The following TSPAN18 variants were observed in gnomAD, a reference collection of about 807,000 sequenced individuals.
The protein encoded by TSPAN18 is tetraspanin-18.
TSPAN18 carries 14 observed loss-of-function variants against 27.3 expected under a neutral mutation model. The ratio of observed to expected loss-of-function variants is 0.51; its 90% confidence interval spans 0.34 to 0.80. The LOEUF (loss-of-function observed/expected upper bound fraction) is 0.80. Ranked by LOEUF, TSPAN18 falls within the 30% of genes least tolerant of loss-of-function variation. The pLI is 0.01. For synonymous variants in TSPAN18, 143 were observed against 136.5 expected, an observed-to-expected ratio of 1.05 and a Z score of -0.33; for missense variants, 268 against 323.9, an observed-to-expected ratio of 0.83 and a Z score of 1.32.
intron 2 of TSPAN18, among the ~76,000 whole-genome samples, chr11:44,804,623 G>C (rs1176199798): frequency 6.6e-6 from 1 of 152,196 alleles, no homozygotes; most frequent in Non-Finnish European, 1.5e-5. Flanking sequence ...TTGGGGACTG[G>C]CGAGCAGCGA....
chr11:44,861,804 CA>C (rs1387863839), intron 3 of TSPAN18, among the ~76,000 whole-genome samples: 5 of 148,536 alleles, frequency 3.4e-5, no homozygotes, highest in Admixed American at 2.7e-4. Flanking sequence ...CACACACACA[CA>C]CACACACACA....
chr11:44,927,075 C>T (rs1357480564), intron 9 of TSPAN18, among the ~76,000 whole-genome samples: 6 of 152,234 alleles, frequency 3.9e-5, no homozygotes, highest in African/African-American at 1.4e-4. Context: ...AGATTTCACG[C>T]TTGCAGAGGC....
At chr11:44,842,983 A>T (rs147351852) in intron 2 of TSPAN18, among the ~76,000 whole-genome samples, 1 of 151,314 alleles carries the variant, frequency 6.6e-6, no homozygotes, top group African/African-American at 2.4e-5. Flanking sequence ...ACCTTCAAGC[A>T]ATTGTGCCTA....
rs1422489974 is a variant in TSPAN18 at position 44,909,884 on chromosome 11, G to A, written c.243G>A (p.Lys81=). The stretch of plus-strand genomic sequence containing the variant: ...GCTGCGGGGCCGTCCGTGAGAACAA[G>A]TGTCTGCTGCTATTTGTGAGTACCC... ...LGCCGAVREN[K]CLLLFFFLFI... is the part of the protein sequence containing the mutation. The change falls in exon 5 of 10, where the codon AAG becomes AAA. Residue 81 remains lysine (K), a synonymous_variant. Coordinates refer to ENST00000520358, the MANE Select transcript of TSPAN18 (RefSeq NM_130783.5). 3 of 1,613,054 alleles carry A rather than the reference G, an allele frequency of 1.9e-6. No individual in the cohort carries two copies. The highest frequency in any genetic ancestry group is 2.5e-6 in the Non-Finnish European group (3 of 1,179,434).
intron 3 of TSPAN18, among the ~76,000 whole-genome samples, chr11:44,888,800 G>A (rs1046913702): frequency 4.6e-5 from 7 of 152,210 alleles, no homozygotes; most frequent in Non-Finnish European, 1.0e-4. Context: ...TTCCAAGGCA[G>A]CTCTGAGACC....
At chr11:44,846,379 G>T (rs547840280) in intron 2 of TSPAN18, among the ~76,000 whole-genome samples, 1 of 152,216 alleles carries the variant, frequency 6.6e-6, no homozygotes, top group African/African-American at 2.4e-5. Context: ...ACCTTCTTGC[G>T]GAGTGTTGGG....
At chr11:44,787,256 C>G (rs1856079865) in intron 2 of TSPAN18, among the ~76,000 whole-genome samples, 2 of 152,196 alleles carry the variant, frequency 1.3e-5, no homozygotes, top group African/African-American at 4.8e-5. Flanking sequence ...GATGTATGTA[C>G]TTTTAGGATT....
chr11:44,754,670 G>C (rs1326259596), intron 1 of TSPAN18, among the ~76,000 whole-genome samples: 1 of 152,224 alleles, frequency 6.6e-6, no homozygotes, highest in Non-Finnish European at 1.5e-5. Flanking sequence ...ATGCAGGCTG[G>C]AGTTAATGAG....
chr11:44,809,844 G>T (rs1856676112), intron 2 of TSPAN18, among the ~76,000 whole-genome samples: 1 of 152,192 alleles, frequency 6.6e-6, no homozygotes, highest in African/African-American at 2.4e-5. Context: ...CAGCGATTGG[G>T]CCATAGGTAC....
At chr11:44,754,214 T>G (rs1855278603) in intron 1 of TSPAN18, among the ~76,000 whole-genome samples, 2 of 152,190 alleles carry the variant, frequency 1.3e-5, no homozygotes, top group Non-Finnish European at 2.9e-5. Flanking sequence ...TACAAAGAGT[T>G]GGGGTGCAGT....
At chr11:44,835,827 A>G (rs1053884570) in intron 2 of TSPAN18, among the ~76,000 whole-genome samples, 1 of 152,160 alleles carries the variant, frequency 6.6e-6, no homozygotes, top group African/African-American at 2.4e-5. Context: ...GTAATGTTCA[A>G]ACTTTTCATT....
At chr11:44,785,602 G>GT (rs1159906404) in intron 2 of TSPAN18, among the ~76,000 whole-genome samples, 1 of 151,428 alleles carries the variant, frequency 6.6e-6, no homozygotes, top group Non-Finnish European at 1.5e-5. Flanking sequence ...CCCCCTGTGA[G>GT]TTTTTTCCAC....
In TSPAN18 at chr11:44,929,288, C is replaced by T; in HGVS notation, c.*110C>T. On this transcript the variant is annotated 3_prime_UTR_variant, in exon 10 of 10. Coordinates refer to ENST00000520358, the MANE Select transcript of TSPAN18 (RefSeq NM_130783.5). ...CTTGGCCCCAGGGGAGAAGATGAGG[C>T]CATCAGAGATGGCCAGGAGAAGGGC... 7.2e-7 allele frequency: 1 copy of T among 1,381,194 alleles called. No homozygotes were observed. Among genetic ancestry groups the T allele is most frequent in the Non-Finnish European group, 1.0e-6 (1 of 990,888 alleles). 85.6% of individuals were successfully genotyped at this position (1,381,194 alleles called of 1,614,324 possible). A position where few individuals can be genotyped will look rare whatever the true frequency, so the allele number is the denominator to read the frequency against.
In TSPAN18 at chr11:44,859,088, G is replaced by A. The variant is rs11038179; in HGVS notation, c.-152-1240G>A. ...TGTGGGCTGTGCTTGGTGATGGGGG[G>A]TAAGGAGATCCTTAGGCAAATGGGA... On this transcript the variant is annotated intron_variant, in intron 2 of 9. Coordinates refer to ENST00000520358, the MANE Select transcript of TSPAN18 (RefSeq NM_130783.5). Among the ~76,000 whole-genome samples, 15 of 152,280 alleles carry A rather than the reference G, an allele frequency of 9.9e-5. No individual in the cohort carries two copies. The East Asian group carries it at 1.9e-3, about 20-fold the overall frequency.
intron 1 of TSPAN18, chr11:44,736,046 A>G (rs938649835): frequency 6.6e-6 from 1 of 152,216 alleles, no homozygotes; most frequent in Non-Finnish European, 1.5e-5. Flanking sequence ...ATTTACTGTC[A>G]AAGAAGTCAG....
intron 2 of TSPAN18, among the ~76,000 whole-genome samples, chr11:44,770,976 T>G (rs568428994): frequency 1.3e-5 from 2 of 152,128 alleles, no homozygotes; most frequent in Non-Finnish European, 2.9e-5. Flanking sequence ...GAGATGCTTA[T>G]TAGCCACTAA....
chr11:44,880,397 G>T lies in TSPAN18; in HGVS notation c.-11+19928G>T, dbSNP rs192206971. ...CAAGCTGCATAACCCTGGTGAAGGGGTGTCACCTCCCTGGGACTCCCTCTC... is the reference window on the plus strand; with the variant it reads ...CAAGCTGCATAACCCTGGTGAAGGGTTGTCACCTCCCTGGGACTCCCTCTC... On this transcript the variant is annotated intron_variant, in intron 3 of 9. Coordinates refer to ENST00000520358, the MANE Select transcript of TSPAN18 (RefSeq NM_130783.5). 1.9e-3 allele frequency among the ~76,000 whole-genome samples: 295 copies of T among 152,204 alleles called. 1 individual carries two copies. The highest frequency in any genetic ancestry group is 3.4e-3 in the Middle Eastern group (1 of 294).
At chr11:44,797,401 G>A (rs1856374121) in intron 2 of TSPAN18, among the ~76,000 whole-genome samples, 1 of 152,134 alleles carries the variant, frequency 6.6e-6, no homozygotes, top group African/African-American at 2.4e-5. Flanking sequence ...AATGAGAGGG[G>A]AAAGGCTTTG....
chr11:44,911,256 G>A (rs1163114176), intron 5 of TSPAN18, among the ~76,000 whole-genome samples: 1 of 152,166 alleles, frequency 6.6e-6, no homozygotes, highest in African/African-American at 2.4e-5. Context: ...GGTTGGCTGG[G>A]GGGCTCCCTT....
Sources: allele counts gnomAD v4.1 joint callset (sites outside exome capture counted in the v4.1 genomes callset), GRCh38; gene constraint gnomAD v4.1.1; transcripts MANE v1.5; gene names NCBI Gene and HGNC (gene_info 2026-07-23, HGNC 2026-07-21).